Variants in EVL observed in about 807,000 individuals in gnomAD.
EVL encodes the protein Enah/Vasp-like, also known as ena/VASP-like protein.
In EVL, 21 loss-of-function variants were observed where a neutral mutation model predicts 59.6. The ratio of observed to expected loss-of-function variants is 0.35; its 90% confidence interval spans 0.25 to 0.51. The LOEUF is 0.51. Ranked by LOEUF, EVL falls within the 20% of genes least tolerant of loss-of-function variation. The probability of loss-of-function intolerance (pLI) is 0.97; values close to 1 mark genes in which losing one functional copy is unlikely to be tolerated. For missense variants in EVL, 462 were observed against 546.6 expected (o/e 0.85, Z 1.54); for synonymous variants, 198 against 203.5 (o/e 0.97, Z 0.23).
chr14:100,031,561 C>G (rs1251692012), intron 1 of EVL, among the ~76,000 whole-genome samples: 1 of 152,176 alleles, frequency 6.6e-6, no homozygotes, highest in African/African-American at 2.4e-5. Flanking sequence ...AGAAGTGTGG[C>G]TTGTACAGAC....
Position 100,084,815 on chromosome 14 carries a change from A to G in EVL, c.140A>G (p.Asn47Ser). 4 of 1,614,168 alleles carry G rather than the reference A, an allele frequency of 2.5e-6. No individual in the cohort carries two copies. The highest frequency in any genetic ancestry group is 1.1e-5 in the South Asian group (1 of 91,084). Reference protein sequence around the residue: ...RINIYHNTASNTFRVVGVKLQ... With the variant: ...RINIYHNTASSTFRVVGVKLQ... ...AACATCTACCACAACACTGCCAGCA[A>G]CACCTTCAGAGTCGTTGGAGTCAAG... The change falls in exon 2 of 14, where the codon AAC becomes AGC. Residue 47 changes from asparagine to serine, a missense_variant. By Grantham distance (46) the Asn-to-Ser change is conservative (BLOSUM62 1). Transcript: ENST00000392920.
chr14:100,054,652 G>A (rs1032971159), intron 1 of EVL, among the ~76,000 whole-genome samples: 4 of 152,038 alleles, frequency 2.6e-5, no homozygotes, highest in African/African-American at 9.7e-5. Context: ...CATTTATCGT[G>A]CCTGCCTTGC....
intron 1 of EVL, among the ~76,000 whole-genome samples, chr14:100,072,359 C>T (rs1314571805): frequency 3.3e-5 from 5 of 152,138 alleles, no homozygotes; most frequent in Non-Finnish European, 5.9e-5. Flanking sequence ...CTCAGCCTCC[C>T]GAGTAGCTGG....
At chr14:100,094,253 G>C (rs1885649263) in intron 2 of EVL, among the ~76,000 whole-genome samples, 1 of 152,184 alleles carries the variant, frequency 6.6e-6, no homozygotes, top group African/African-American at 2.4e-5. Context: ...GATTGAGTTA[G>C]ATAATCCCTA....
At chr14:100,056,027 G>C (rs1356292021) in intron 1 of EVL, among the ~76,000 whole-genome samples, 1 of 152,154 alleles carries the variant, frequency 6.6e-6, no homozygotes, top group Admixed American at 6.5e-5. Flanking sequence ...GGCCGGGCTG[G>C]TCTCGAACTC....
Position 100,097,473 on chromosome 14 carries a change from T to C in EVL, c.181-8T>C, listed in dbSNP as rs1885898442. On this transcript the variant is annotated splice_region_variant and splice_polypyrimidine_tract_variant and intron_variant, in intron 2 of 13. Coordinates refer to ENST00000392920, the MANE Select transcript of EVL (RefSeq NM_016337.3). The stretch of plus-strand genomic sequence containing the variant: ...TTTACACGTATTTCTCTCTCCTTTC[T>C]CCTCCAGGTTGTGATCAATTATTCA... 3 of 1,595,150 alleles carry C rather than the reference T, an allele frequency of 1.9e-6. No individual in the cohort carries two copies. In the Admixed American group the frequency reaches 5.4e-5, roughly 29 times the overall value.
intron 1 of EVL, among the ~76,000 whole-genome samples, chr14:100,021,982 G>A (rs1011653297): frequency 6.6e-5 from 10 of 152,016 alleles, no homozygotes; most frequent in African/African-American, 2.2e-4. Flanking sequence ...TTATAATCTC[G>A]GTGCCGCTAT....
At chr14:100,026,923 A>C (rs1479347784) in intron 1 of EVL, among the ~76,000 whole-genome samples, 3 of 152,108 alleles carry the variant, frequency 2.0e-5, no homozygotes, top group Non-Finnish European at 4.4e-5. Flanking sequence ...TGGATCTTTG[A>C]TAGATGATGG....
chr14:100,048,114 T>C (rs1414780984), intron 1 of EVL, among the ~76,000 whole-genome samples: 1 of 152,218 alleles, frequency 6.6e-6, no homozygotes, highest in East Asian at 1.9e-4. Context: ...AGAAAAAGGA[T>C]AAATTGGACT....
chr14:100,085,287 T>C (rs2062415466), intron 2 of EVL, among the ~76,000 whole-genome samples: 1 of 152,190 alleles, frequency 6.6e-6, no homozygotes, highest in Non-Finnish European at 1.5e-5. Flanking sequence ...GTCATTTCTC[T>C]CCCTAATAGT....
At chr14:99,981,682 C>T (rs929391163) in intron 1 of EVL, among the ~76,000 whole-genome samples, 1 of 152,172 alleles carries the variant, frequency 6.6e-6, no homozygotes, top group African/African-American at 2.4e-5. Flanking sequence ...GTTATGTTTA[C>T]ACTATACCAT....
At chr14:99,971,775 G>GCGCCCGCGCACA (rs1159403663) in exon 1 of EVL, 11 of 129,724 alleles carry the variant, frequency 8.5e-5, no homozygotes, top group Admixed American at 7.8e-5. Context: ...CCCCAGGCAC[G>GCGCCCGCGCACA]CGCCCGCGCA....
intron 1 of EVL, among the ~76,000 whole-genome samples, chr14:100,005,630 TACACACACACACACACACAC>T (rs35844160): frequency 7.0e-6 from 1 of 143,750 alleles, no homozygotes; most frequent in East Asian, 2.1e-4. Context: ...GCCTTTTAAA[TACACACACACACACACACAC>T]ACACACACAC....
intron 3 of EVL, among the ~76,000 whole-genome samples, chr14:100,117,586 C>T (rs1887430773): frequency 6.6e-6 from 1 of 152,206 alleles, no homozygotes; most frequent in Non-Finnish European, 1.5e-5. Context: ...CTTCAGTTTT[C>T]CAACTCTCCA....
At chr14:100,085,986 G>A (rs574433878) in intron 2 of EVL, among the ~76,000 whole-genome samples, 8 of 152,232 alleles carry the variant, frequency 5.3e-5, no homozygotes, top group South Asian at 4.2e-4. Flanking sequence ...AAAATTAGCC[G>A]GGCGTGGTGG....
intron 8 of EVL, among the ~76,000 whole-genome samples, chr14:100,134,051 C>T (rs2140394322): frequency 6.6e-6 from 1 of 152,352 alleles, no homozygotes; most frequent in South Asian, 2.1e-4. Context: ...TCTGCACAGG[C>T]ACGACTGCTT....
chr14:100,142,507 A>G (rs533794502), intron 13 of EVL, among the ~76,000 whole-genome samples: 1 of 152,336 alleles, frequency 6.6e-6, no homozygotes, highest in African/African-American at 2.4e-5. Context: ...TGCCTCCCCA[A>G]CCAGGGTGAT....
chr14:100,094,973 G>A (rs1471776357), intron 2 of EVL, among the ~76,000 whole-genome samples: 1 of 151,960 alleles, frequency 6.6e-6, no homozygotes, highest in Non-Finnish European at 1.5e-5. Flanking sequence ...CCCGGGAGGT[G>A]GAGGTTGCAG....
chr14:100,110,609 T>G (rs1886906816), intron 3 of EVL, among the ~76,000 whole-genome samples: 1 of 151,906 alleles, frequency 6.6e-6, no homozygotes, highest in Admixed American at 6.5e-5. Context: ...CAAATCAAGA[T>G]CTGAGAAGAG....
Sources: gnomAD v4.1 joint callset for allele counts (sites outside exome capture counted in the v4.1 genomes callset) on GRCh38, gnomAD v4.1.1 for gene constraint, MANE v1.5 for transcripts, NCBI Gene and HGNC (gene_info 2026-07-23, HGNC 2026-07-21) for gene names.